KLHL24: variants seen among roughly 807,000 people sequenced by gnomAD.
KLHL24 encodes kelch like family member 24.
Under a neutral mutation model 53.4 loss-of-function variants are expected in KLHL24, and 29 were observed. That is an observed-to-expected ratio of 0.54 (90% CI 0.40 to 0.74). The LOEUF (loss-of-function observed/expected upper bound fraction) is 0.74. KLHL24 is among the 30% of genes least tolerant of loss of function. The pLI is 0.00. For synonymous variants in KLHL24, 222 were observed against 253.7 expected, an observed-to-expected ratio of 0.88 and a Z score of 1.19; for missense variants, 504 against 744.0, an observed-to-expected ratio of 0.68 and a Z score of 3.75.
At chr3:183,672,888 G>C (rs1277950416) in intron 7 of KLHL24, 1 of 152,770 alleles carries the variant, frequency 6.5e-6, no homozygotes, top group Non-Finnish European at 1.5e-5. Context: ...CCAGCTACTA[G>C]GGAGGCTGCG....
At chr3:183,654,064 ACT>A (rs1718511148) in intron 3 of KLHL24, among the ~76,000 whole-genome samples, 1 of 151,728 alleles carries the variant, frequency 6.6e-6, no homozygotes, top group South Asian at 2.1e-4. Flanking sequence ...TGCTCCAGTC[ACT>A]CTACTGAAAC....
At position 183,671,072 on chromosome 3, in the gene KLHL24, T is replaced by C. The variant is rs2108874001; in HGVS notation, c.1263T>C (p.Leu421=). 6.2e-7 allele frequency: 1 copy of C among 1,614,104 alleles called. No homozygotes were observed. The highest frequency in any genetic ancestry group is 1.1e-5 in the South Asian group (1 of 91,078). The stretch of plus-strand genomic sequence containing the variant: ...GTGGCTATGATGGGCAAAACAGACT[T>C]AGCAGCGTAGAATGTTATGATTCCT... The part of the protein sequence containing the change: ...VVGGYDGQNR[L]SSVECYDSFS... The change falls in exon 6 of 8, where the codon CTT becomes CTC. Residue 421 remains leucine (L), a synonymous_variant. Coordinates refer to ENST00000242810, the MANE Select transcript of KLHL24 (RefSeq NM_017644.3).
At chr3:183,666,608 C>T (rs754246429) in intron 5 of KLHL24, among the ~76,000 whole-genome samples, 2 of 152,154 alleles carry the variant, frequency 1.3e-5, no homozygotes, top group East Asian at 3.9e-4. Flanking sequence ...TCATTATATT[C>T]ATTGAGCATC....
At chr3:183,657,049 A>G (rs1180841612) in intron 3 of KLHL24, among the ~76,000 whole-genome samples, 7 of 152,040 alleles carry the variant, frequency 4.6e-5, no homozygotes, top group Admixed American at 2.0e-4. Flanking sequence ...AAACTTTTAA[A>G]CTCATGATTG....
Position 183,651,261 on chromosome 3 carries a change from G to A in KLHL24, c.905G>A (p.Arg302Lys). Reference sequence around the variant, plus strand: ...CTTGGGAATGAAATGATGTCCCCAAGGACTAGGCCACGCAGGTGAGAAGAC... The same window carrying A: ...CTTGGGAATGAAATGATGTCCCCAAAGACTAGGCCACGCAGGTGAGAAGAC... ...HILGNEMMSP[R>K]TRPRRSTGYS... Residue 302 changes from arginine (R) to lysine (K), a missense_variant, in exon 3 of 8, where the codon AGG becomes AAG. Physicochemically the swap from Arg to Lys is conservative, Grantham distance 26. Transcript: ENST00000242810. 6.2e-7 allele frequency: 1 copy of A among 1,612,926 alleles called. No homozygotes were observed. The highest frequency in any genetic ancestry group is 8.5e-7 in the Non-Finnish European group (1 of 1,179,014).
chr3:183,670,513 A>G (rs1233390417), intron 5 of KLHL24, among the ~76,000 whole-genome samples: 1 of 152,176 alleles, frequency 6.6e-6, no homozygotes, highest in Non-Finnish European at 1.5e-5. Flanking sequence ...TTTTCTAGGT[A>G]TTGTACGGAC....
rs1288368086 is a variant in KLHL24, at chr3:183,650,148, T to A, written c.-61-148T>A. 1.2e-5 allele frequency: 6 copies of A among 484,648 alleles called. No homozygotes were observed. Among genetic ancestry groups the A allele is most frequent in the Middle Eastern group, 1.1e-3 (2 of 1,846 alleles). The allele number at this position is 484,648 out of a possible 1,614,324, so 30.0% of individuals were successfully genotyped here. On this transcript the variant is annotated intron_variant, in intron 2 of 7. Coordinates refer to ENST00000242810, the MANE Select transcript of KLHL24 (RefSeq NM_017644.3). The surrounding 1 kb of genome is among the most constrained non-coding windows in gnomAD (Gnocchi z 4.5). Reference sequence around the variant, plus strand: ...TTGTTCAAATGCAAATTTTTGTTGATTAGTTTTTATTAACATGAGATAGTG... The same window carrying A: ...TTGTTCAAATGCAAATTTTTGTTGAATAGTTTTTATTAACATGAGATAGTG...
At chr3:183,641,711 T>C (rs536176817) in intron 1 of KLHL24, among the ~76,000 whole-genome samples, 3 of 152,214 alleles carry the variant, frequency 2.0e-5, no homozygotes, top group African/African-American at 7.2e-5. Flanking sequence ...GTTCCTTTGT[T>C]TTCTGGTATT....
chr3:183,643,248 AC>A (rs1445525401), intron 1 of KLHL24: 40 of 152,240 alleles, frequency 2.6e-4, no homozygotes, highest in African/African-American at 9.4e-4. Context: ...AAACAAAAAA[AC>A]TGTCAAGTAA....
intron 5 of KLHL24, among the ~76,000 whole-genome samples, chr3:183,666,692 A>C (rs1350293943): frequency 6.6e-6 from 1 of 152,190 alleles, no homozygotes; most frequent in Non-Finnish European, 1.5e-5. Context: ...TCACTCATAA[A>C]GTTTCAGATC....
At chr3:183,641,949 G>T (rs116650485) in intron 1 of KLHL24, among the ~76,000 whole-genome samples, 1 of 152,110 alleles carries the variant, frequency 6.6e-6, no homozygotes, top group Non-Finnish European at 1.5e-5. Context: ...AAATGTCCAG[G>T]TGAATTGCCT....
At chr3:183,647,841 A>T (rs1480372416) in intron 2 of KLHL24, among the ~76,000 whole-genome samples, 2 of 68,952 alleles carry the variant, frequency 2.9e-5, no homozygotes, top group Non-Finnish European at 5.4e-5. Flanking sequence ...TGTCTCTACT[A>T]AAAAAAGTAC....
chr3:183,651,569 C>T lies in KLHL24; in HGVS notation c.920+293C>T, dbSNP rs143138971. Among the ~76,000 whole-genome samples, 974 of 152,222 alleles carry T rather than the reference C, an allele frequency of 6.4e-3. 12 individuals are homozygous for T. The highest frequency in any genetic ancestry group is 0.022 in the African/African-American group (930 of 41,516). On this transcript the variant is annotated intron_variant, in intron 3 of 7. Coordinates refer to ENST00000242810, the MANE Select transcript of KLHL24 (RefSeq NM_017644.3). ...TAATTTCTCTTAACCTTTGTAGGGC[C>T]CCAAACCATTCCACTTTTCTTTCCA... is the stretch of plus-strand genomic sequence containing the variant.
Position 183,679,905 on chromosome 3 carries a change from T to A in KLHL24, c.*619T>A, listed in dbSNP as rs1712506591. ...TAGAATTGCTGTCTTACATTAAACA[T>A]GTTTTTAGGGGGAAGTTAGGTAGGA... On this transcript the variant is annotated 3_prime_UTR_variant, in exon 8 of 8. Coordinates refer to ENST00000242810, the MANE Select transcript of KLHL24 (RefSeq NM_017644.3). The A allele has an allele frequency of 6.6e-6, 1 of 152,148 alleles. No homozygotes were observed. Among genetic ancestry groups the A allele is most frequent in the Non-Finnish European group, 1.5e-5 (1 of 68,038 alleles). 9.4% of individuals were successfully genotyped at this position (152,148 alleles called of 1,614,324 possible).
chr3:183,676,598 AATGGACCCT>A (rs773247976), intron 7 of KLHL24, among the ~76,000 whole-genome samples: 2 of 152,228 alleles, frequency 1.3e-5, no homozygotes, highest in African/African-American at 2.4e-5. Flanking sequence ...TTATAGTCCT[AATGGACCCT>A]GCCTATTTCT....
intron 3 of KLHL24, among the ~76,000 whole-genome samples, chr3:183,657,725 A>G (rs1176764748): frequency 6.6e-6 from 1 of 152,234 alleles, no homozygotes; most frequent in African/African-American, 2.4e-5. Context: ...CCTATATTAT[A>G]GGATGAGTAG....
chr3:183,667,468 G>T (rs1436194154), intron 5 of KLHL24, among the ~76,000 whole-genome samples: 2 of 152,070 alleles, frequency 1.3e-5, no homozygotes, highest in South Asian at 2.1e-4. Flanking sequence ...TCAGATCAGC[G>T]CACATTAGGT....
intron 3 of KLHL24, among the ~76,000 whole-genome samples, chr3:183,652,501 A>T (rs1028313196): frequency 2.6e-5 from 4 of 152,126 alleles, no homozygotes; most frequent in Non-Finnish European, 4.4e-5. Context: ...TTAATTATAC[A>T]TTTCAGTAAT....
chr3:183,683,134 C>G lies in KLHL24; in HGVS notation c.*3848C>G, dbSNP rs562294739. 2 of 151,410 alleles carry G rather than the reference C, an allele frequency of 1.3e-5. No individual in the cohort carries two copies. The highest frequency in any genetic ancestry group is 4.9e-5 in the African/African-American group (2 of 40,962). The allele number at this position is 151,410 out of a possible 1,614,324, so 9.4% of individuals were successfully genotyped here. A position where few individuals can be genotyped will look rare whatever the true frequency, so the allele number is the denominator to read the frequency against. On this transcript the variant is annotated 3_prime_UTR_variant, in exon 8 of 8. Coordinates refer to ENST00000242810, the MANE Select transcript of KLHL24 (RefSeq NM_017644.3). ...AATTTTTTTGTATTTTTAGTAGAGA[C>G]GGGGTTTAGTAGAGACGGATCACTC...
Sources: allele counts gnomAD v4.1 joint callset (sites outside exome capture counted in the v4.1 genomes callset), GRCh38; gene constraint gnomAD v4.1.1; non-coding constraint Gnocchi (gnomAD v3.1); transcripts MANE v1.5; gene names NCBI Gene and HGNC (gene_info 2026-07-23, HGNC 2026-07-21).